The following CALCRL variants were observed in gnomAD, a reference collection of about 807,000 sequenced individuals.
CALCRL encodes the protein calcitonin gene-related peptide type 1 receptor.
A neutral mutation model predicts 60.4 loss-of-function variants in CALCRL; 27 were observed. That is an observed-to-expected ratio of 0.45 (90% CI 0.33 to 0.62). The LOEUF (loss-of-function observed/expected upper bound fraction) is 0.62, where lower values mean the gene tolerates loss of function less well. Ranked by LOEUF, CALCRL falls within the 20% of genes least tolerant of loss-of-function variation. The pLI, the probability that CALCRL is intolerant of heterozygous loss-of-function variation, is 0.03. For synonymous variants in CALCRL, 190 were observed against 182.6 expected (o/e 1.04, Z -0.33); for missense variants, 424 against 540.7 (o/e 0.78, Z 2.14).
chr2:187,379,067 T>G, intron 7 of CALCRL, 36 bp from the exon 8 acceptor site: 2 of 1,063,852 alleles, frequency 1.9e-6, no homozygotes, highest in Non-Finnish European at 2.9e-6. Context: ...TTGGTTCATA[T>G]CAATACTATA....
intron 1 of CALCRL, among the ~76,000 whole-genome samples, chr2:187,396,128 G>T (rs1386358220): frequency 6.6e-6 from 1 of 150,854 alleles, no homozygotes; most frequent in African/African-American, 2.4e-5. Flanking sequence ...GGACCATTTG[G>T]CTAATTTTTC....
chr2:187,436,191 T>C (rs182047294), intron 1 of CALCRL, among the ~76,000 whole-genome samples: 5 of 152,334 alleles, frequency 3.3e-5, no homozygotes, highest in African/African-American at 1.2e-4. Flanking sequence ...TTGACTCTAT[T>C]GTGTTATTAT....
intron 1 of CALCRL, among the ~76,000 whole-genome samples, chr2:187,391,178 C>T (rs959117149): frequency 2.0e-5 from 3 of 152,136 alleles, no homozygotes; most frequent in Non-Finnish European, 4.4e-5. Flanking sequence ...TTGGTTTCAG[C>T]TCACTGGTTC....
At chr2:187,352,407 A>G (rs779306183) in intron 12 of CALCRL, 75 bp from the exon 13 acceptor site, 7 of 793,832 alleles carry the variant, frequency 8.8e-6, no homozygotes, top group Admixed American at 2.4e-5. Flanking sequence ...AGTATCTCCA[A>G]TTTTATAAAT....
chr2:187,380,080 C>G (rs1687922985), intron 7 of CALCRL, among the ~76,000 whole-genome samples: 1 of 152,288 alleles, frequency 6.6e-6, no homozygotes, highest in African/African-American at 2.4e-5. Flanking sequence ...GAGGGAGGGA[C>G]AGGACTCTTT....
intron 8 of CALCRL, among the ~76,000 whole-genome samples, chr2:187,376,148 A>G (rs1574245924): frequency 6.6e-6 from 1 of 152,172 alleles, no homozygotes; most frequent in African/African-American, 2.4e-5. Context: ...AGGTCTAGCT[A>G]TGAACCCAGT....
At chr2:187,413,710 C>CA (rs1057212420) in intron 1 of CALCRL, among the ~76,000 whole-genome samples, 162 of 152,130 alleles carry the variant, frequency 1.1e-3, no homozygotes, top group African/African-American at 3.8e-3. Flanking sequence ...GGCTGGCACA[C>CA]AAAAAACTGT....
At chr2:187,366,372 T>C (rs1256656592) in intron 8 of CALCRL, among the ~76,000 whole-genome samples, 1 of 151,674 alleles carries the variant, frequency 6.6e-6, no homozygotes, top group African/African-American at 2.4e-5. Flanking sequence ...TGCATGATAG[T>C]AAAAATTAGA....
chr2:187,444,027 A>G (rs1391421600), intron 1 of CALCRL, among the ~76,000 whole-genome samples: 2 of 151,606 alleles, frequency 1.3e-5, no homozygotes, highest in Non-Finnish European at 3.0e-5. Context: ...TATGCTATTG[A>G]TCCTCCATGT....
Position 187,405,270 on chromosome 2 carries a change from C to T in CALCRL, c.-292-17514G>A, listed in dbSNP as rs546846183. Among the ~76,000 whole-genome samples, 156 of 152,084 alleles carry T rather than the reference C, an allele frequency of 1.0e-3. 2 individuals carry two copies. The South Asian group carries it at 0.013, about 13-fold the overall frequency. The stretch of plus-strand genomic sequence containing the variant: ...AATTTTGAGTAAAATTATATGTGAA[C>T]ATTTAACAATGCCAACTTTCCCAGC... On this transcript the variant is annotated intron_variant, in intron 1 of 14. Coordinates refer to ENST00000392370, the MANE Select transcript of CALCRL (RefSeq NM_005795.6).
intron 1 of CALCRL, among the ~76,000 whole-genome samples, chr2:187,410,171 G>T (rs1416752807): frequency 6.6e-6 from 1 of 152,170 alleles, no homozygotes; most frequent in Non-Finnish European, 1.5e-5. Flanking sequence ...AGAAAATGGG[G>T]TATAGTGGTG....
chr2:187,398,775 G>A (rs1574275438), intron 1 of CALCRL, among the ~76,000 whole-genome samples: 1 of 151,448 alleles, frequency 6.6e-6, no homozygotes, highest in South Asian at 2.1e-4. Context: ...AAGCAAGTAG[G>A]GCATGAATAT....
intron 1 of CALCRL, among the ~76,000 whole-genome samples, chr2:187,389,799 T>G (rs1458168355): frequency 6.6e-6 from 1 of 152,168 alleles, no homozygotes; most frequent in African/African-American, 2.4e-5. Flanking sequence ...AAACTATAGT[T>G]TGATCTTCCT....
chr2:187,393,284 A>C (rs1022391851), intron 1 of CALCRL, among the ~76,000 whole-genome samples: 1 of 152,128 alleles, frequency 6.6e-6, no homozygotes, highest in African/African-American at 2.4e-5. Flanking sequence ...GCACCCAAGT[A>C]AATTCTTGGC....
rs368444376 is a variant in CALCRL, at chr2:187,374,641, A to AT, written c.500+4298dup. On this transcript the variant is annotated intron_variant, in intron 8 of 14. Coordinates refer to ENST00000392370, the MANE Select transcript of CALCRL (RefSeq NM_005795.6). ...TCTTTGTAGCTCCAGAATAGCACTC[A>AT]TTTTTTTGTTTTGTTTTGTTTATTT... 1.1e-4 allele frequency among the ~76,000 whole-genome samples: 17 copies of AT among 151,996 alleles called. No homozygotes were observed. In the East Asian group the frequency reaches 1.4e-3, roughly 12 times the overall value.
chr2:187,347,726 A>G (rs867437016), intron 14 of CALCRL, among the ~76,000 whole-genome samples: 1 of 151,796 alleles, frequency 6.6e-6, no homozygotes, highest in Non-Finnish European at 1.5e-5. Context: ...GCAGCTTTAC[A>G]GGATACTTCA....
rs1375596643 is a variant in CALCRL, at chr2:187,385,529, A to T, written c.51+16T>A. 8.1e-7 allele frequency: 1 copy of T among 1,231,662 alleles called. No individual in the cohort carries two copies. The highest frequency in any genetic ancestry group is 2.3e-5 in the East Asian group (1 of 42,858). 76.3% of individuals were successfully genotyped at this position (1,231,662 alleles called of 1,614,324 possible). A position where few individuals can be genotyped will look rare whatever the true frequency, so the allele number is the denominator to read the frequency against. Reference sequence around the variant, plus strand: ...GAAGCAATAACAGACATAATCATATATATTTTTATGCTTACCATAAAAAAA... The same window carrying T: ...GAAGCAATAACAGACATAATCATATTTATTTTTATGCTTACCATAAAAAAA... On this transcript the variant is annotated intron_variant, in intron 4 of 14. Coordinates refer to ENST00000392370, the MANE Select transcript of CALCRL (RefSeq NM_005795.6).
intron 14 of CALCRL, among the ~76,000 whole-genome samples, chr2:187,349,783 A>G (rs1044413156): frequency 9.9e-5 from 15 of 151,758 alleles, no homozygotes; most frequent in African/African-American, 3.6e-4. Context: ...AGTGTTAGGC[A>G]TTACTTTAGA....
chr2:187,343,079 G>T lies in CALCRL; in HGVS notation c.*3105C>A, dbSNP rs987386337. On this transcript the variant is annotated 3_prime_UTR_variant, in exon 15 of 15. Coordinates refer to ENST00000392370, the MANE Select transcript of CALCRL (RefSeq NM_005795.6). Reference sequence around the variant, plus strand: ...TAAGAAGGAGTTTGCATCCATTGTAGTATAGTTGGATTTTTTTAGTTTGAA... The same window carrying T: ...TAAGAAGGAGTTTGCATCCATTGTATTATAGTTGGATTTTTTTAGTTTGAA... 8 of 151,412 alleles carry T rather than the reference G, an allele frequency of 5.3e-5. No individual in the cohort carries two copies. The highest frequency in any genetic ancestry group is 4.6e-4 in the Admixed American group (7 of 15,158). The allele number at this position is 151,412 out of a possible 1,614,324, so 9.4% of individuals were successfully genotyped here. A position where few individuals can be genotyped will look rare whatever the true frequency, so the allele number is the denominator to read the frequency against.
Sources: gnomAD v4.1 joint callset for allele counts (sites outside exome capture counted in the v4.1 genomes callset) on GRCh38, gnomAD v4.1.1 for gene constraint, MANE v1.5 for transcripts, NCBI Gene and HGNC (gene_info 2026-07-23, HGNC 2026-07-21) for gene names.